The following MMP24 variants were observed in gnomAD, a reference collection of about 807,000 sequenced individuals.
The protein encoded by MMP24 is matrix metalloproteinase-24.
MMP24 carries 25 observed loss-of-function variants against 62.8 expected under a neutral mutation model. The ratio of observed to expected loss-of-function variants is 0.40; its 90% CI spans 0.29 to 0.56. The LOEUF is 0.56. Among genes scored for constraint, MMP24 ranks in the 20% least tolerant of loss-of-function variants. The probability of loss-of-function intolerance (pLI) is 0.50; values close to 1 mark genes in which losing one functional copy is unlikely to be tolerated. For missense variants in MMP24, 634 were observed against 853.6 expected (o/e 0.74, Z 3.21); for synonymous variants, 319 against 350.5 (o/e 0.91, Z 1.00).
intron 6 of MMP24, among the ~76,000 whole-genome samples, chr20:35,268,519 G>A (rs966366694): frequency 1.3e-5 from 2 of 152,204 alleles, no homozygotes; most frequent in East Asian, 1.9e-4. Context: ...TTAAGACTCC[G>A]TATATCTCAG....
chr20:35,244,905 G>A (rs1048039887), intron 1 of MMP24, among the ~76,000 whole-genome samples: 1 of 151,726 alleles, frequency 6.6e-6, no homozygotes, highest in Non-Finnish European at 1.5e-5. Context: ...GAAGTGCCTC[G>A]TGATACTATA....
Position 35,276,482 on chromosome 20 carries a change from C to A in MMP24, c.*1873C>A. The A allele has an allele frequency of 2.5e-6, 1 of 394,468 alleles. No individual in the cohort carries two copies. The highest frequency in any genetic ancestry group is 4.5e-6 in the Non-Finnish European group (1 of 223,624). The allele number at this position is 394,468 out of a possible 1,614,324, so 24.4% of individuals were successfully genotyped here. On this transcript the variant is annotated 3_prime_UTR_variant, in exon 9 of 9. Transcript: ENST00000246186. Reference sequence around the variant, plus strand: ...AAGCACAGAGAGGTTGTTACTTGCCCGGGCCATCCAGTGGGCTGGCTGGGT... The same window carrying A: ...AAGCACAGAGAGGTTGTTACTTGCCAGGGCCATCCAGTGGGCTGGCTGGGT...
intron 1 of MMP24, among the ~76,000 whole-genome samples, chr20:35,234,315 TCTC>T (rs1259201768): frequency 1.3e-5 from 2 of 152,184 alleles, no homozygotes; most frequent in African/African-American, 4.8e-5. Context: ...TCCTGGTTCT[TCTC>T]TTTCATTCCA....
chr20:35,235,732 A>T (rs1213403835), intron 1 of MMP24, among the ~76,000 whole-genome samples: 1 of 152,000 alleles, frequency 6.6e-6, no homozygotes, highest in Non-Finnish European at 1.5e-5. Context: ...AATTTTAAAA[A>T]CCCTGAGGCC....
At chr20:35,268,976 G>A (rs911494689) in intron 6 of MMP24, among the ~76,000 whole-genome samples, 6 of 148,180 alleles carry the variant, frequency 4.0e-5, no homozygotes, top group South Asian at 4.3e-4. Context: ...GCAGTGAGCC[G>A]AGATTGCGCC....
At chr20:35,268,831 T>G (rs565071388) in intron 6 of MMP24, among the ~76,000 whole-genome samples, 1 of 151,898 alleles carries the variant, frequency 6.6e-6, no homozygotes, top group Non-Finnish European at 1.5e-5. Flanking sequence ...ATCAAGACCA[T>G]CCTGGCTAAC....
At position 35,276,326 on chromosome 20, in the gene MMP24, T is replaced by C; in HGVS notation, c.*1717T>C. 2.5e-6 allele frequency: 1 copy of C among 399,102 alleles called. No individual in the cohort carries two copies. 24.7% of individuals were successfully genotyped at this position (399,102 alleles called of 1,614,324 possible). A position where few individuals can be genotyped will look rare whatever the true frequency, so the allele number is the denominator to read the frequency against. On this transcript the variant is annotated 3_prime_UTR_variant, in exon 9 of 9. Coordinates refer to ENST00000246186, the MANE Select transcript of MMP24 (RefSeq NM_006690.4). Reference sequence around the variant, plus strand: ...CAGGCAGGGAACAACTGCGGAGATATTAGTGATTCATAGGTTTGTACAGTG... The same window carrying C: ...CAGGCAGGGAACAACTGCGGAGATACTAGTGATTCATAGGTTTGTACAGTG...
intron 5 of MMP24, 51 bp from the exon 6 acceptor site, chr20:35,267,154 G>T (rs1157977780): frequency 1.1e-5 from 16 of 1,441,718 alleles, no homozygotes; most frequent in Non-Finnish European, 1.5e-5. Context: ...GACTGGCAAT[G>T]GGAGGCGGGA....
At position 35,267,295 on chromosome 20, in the gene MMP24, G is replaced by A. The variant is rs770398801; in HGVS notation, c.1070G>A (p.Arg357His). The change falls in exon 6 of 9, where the codon CGC (arginine) becomes CAC (histidine). Residue 357 changes from arginine (R) to histidine (H), a missense_variant. Coordinates refer to ENST00000246186, the MANE Select transcript of MMP24 (RefSeq NM_006690.4). ...IHSPSERKHE[R>H]QPRPPRPPLG... ...TCACCATCGGAGAGGAAACACGAGC[G>A]CCAGCCCAGGCCCCCTCGGCCGCCC... 1.7e-5 allele frequency: 27 copies of A among 1,601,714 alleles called. No homozygotes were observed. The East Asian group carries it at 4.3e-4, about 26-fold the overall frequency.
chr20:35,270,787 C>T lies in MMP24; in HGVS notation c.1334-782C>T, dbSNP rs892223965. 2.0e-5 allele frequency among the ~76,000 whole-genome samples: 3 copies of T among 152,326 alleles called. No homozygotes were observed. In the East Asian group the frequency reaches 5.8e-4, roughly 29 times the overall value. ...AGGCGCAGTGGCTCACGCCCGAAATCCCAGCACTTTGGGAGGCCAAGGCTG... is the reference window on the plus strand; with the variant it reads ...AGGCGCAGTGGCTCACGCCCGAAATTCCAGCACTTTGGGAGGCCAAGGCTG... On this transcript the variant is annotated intron_variant, in intron 7 of 8. Coordinates refer to ENST00000246186, the MANE Select transcript of MMP24 (RefSeq NM_006690.4).
intron 1 of MMP24, among the ~76,000 whole-genome samples, chr20:35,244,472 C>T (rs567335940): frequency 1.3e-5 from 2 of 152,176 alleles, no homozygotes; most frequent in South Asian, 4.2e-4. Context: ...CAGAGTTTTG[C>T]TCTTGTTGCC....
intron 2 of MMP24, among the ~76,000 whole-genome samples, chr20:35,250,420 C>T (rs998048186): frequency 5.9e-5 from 9 of 151,938 alleles, no homozygotes; most frequent in South Asian, 2.1e-4. Flanking sequence ...ATTAGCCAAG[C>T]GTGGTGGTGC....
chr20:35,263,050 A>G (rs144979141), intron 4 of MMP24: 9,075 of 152,708 alleles, frequency 0.059, 711 homozygotes, highest in African/African-American at 0.18. Context: ...TTCTTTCTGC[A>G]CAGACACAGT....
chr20:35,231,686 G>T (rs780004787), intron 1 of MMP24, among the ~76,000 whole-genome samples: 9 of 152,150 alleles, frequency 5.9e-5, no homozygotes, highest in African/African-American at 1.9e-4. Context: ...CATTTTATAG[G>T]TGAGTAAAAG....
At chr20:35,235,698 CA>C (rs965277993) in intron 1 of MMP24, among the ~76,000 whole-genome samples, 112 of 151,828 alleles carry the variant, frequency 7.4e-4, no homozygotes, top group African/African-American at 2.6e-3. Context: ...GACTATGTCT[CA>C]AAAAAAAATT....
chr20:35,264,632 CAG>C (rs1309228054), intron 5 of MMP24, among the ~76,000 whole-genome samples: 1 of 140,830 alleles, frequency 7.1e-6, no homozygotes, highest in Non-Finnish European at 1.5e-5. Context: ...CACTTGAACC[CAG>C]GAGGCAGAGG....
chr20:35,244,729 C>A (rs533566778), intron 1 of MMP24, among the ~76,000 whole-genome samples: 1 of 149,358 alleles, frequency 6.7e-6, no homozygotes, highest in Admixed American at 6.7e-5. Context: ...CATGAGCCAC[C>A]GCGCCCAGCC....
At chr20:35,248,974 G>T (rs552657887) in intron 2 of MMP24, among the ~76,000 whole-genome samples, 8 of 152,310 alleles carry the variant, frequency 5.3e-5, no homozygotes, top group Non-Finnish European at 1.2e-4. Flanking sequence ...GTGGCAGGTG[G>T]ATGGTGAAAG....
intron 1 of MMP24, among the ~76,000 whole-genome samples, chr20:35,243,455 T>C (rs1282834495): frequency 6.6e-6 from 1 of 152,220 alleles, no homozygotes; most frequent in Non-Finnish European, 1.5e-5. Context: ...ATCTTTATTT[T>C]TTCAGAGCCT....
Sources: allele counts gnomAD v4.1 joint callset (sites outside exome capture counted in the v4.1 genomes callset), GRCh38; gene constraint gnomAD v4.1.1; transcripts MANE v1.5; gene names NCBI Gene and HGNC (gene_info 2026-07-23, HGNC 2026-07-21).